Variants in LRRC4C observed in about 807,000 individuals in gnomAD.
LRRC4C encodes leucine-rich repeat-containing protein 4C.
A neutral mutation model predicts 33.6 loss-of-function variants in LRRC4C; 5 were observed. The observed-to-expected ratio is 0.15, with a 90% CI of 0.08 to 0.31. The LOEUF is 0.31. LRRC4C is among the 10% of genes least tolerant of loss of function. The pLI is 1.00. For missense variants in LRRC4C, 560 were observed against 796.7 expected, an observed-to-expected ratio of 0.70 and a Z score of 3.58; for synonymous variants, 329 against 302.0, an observed-to-expected ratio of 1.09 and a Z score of -0.93.
chr11:41,157,413 A>G (rs1367048554), intron 1 of LRRC4C, among the ~76,000 whole-genome samples: 1 of 152,128 alleles, frequency 6.6e-6, no homozygotes, highest in African/African-American at 2.4e-5. Flanking sequence ...GTAAAAGTCC[A>G]TAGGACCATA....
At chr11:41,320,392 G>A (rs1950922437) in intron 1 of LRRC4C, among the ~76,000 whole-genome samples, 1 of 152,114 alleles carries the variant, frequency 6.6e-6, no homozygotes. Context: ...AAAAGGTCAA[G>A]TTTTTTTCAG....
chr11:40,585,431 A>G (rs539765858), intron 3 of LRRC4C, among the ~76,000 whole-genome samples: 2 of 152,288 alleles, frequency 1.3e-5, no homozygotes, highest in South Asian at 2.1e-4. Flanking sequence ...CATGGACTTA[A>G]AAAAAGACAT....
intron 3 of LRRC4C, among the ~76,000 whole-genome samples, chr11:40,555,067 G>A (rs1277816459): frequency 2.6e-5 from 4 of 152,102 alleles, no homozygotes; most frequent in Middle Eastern, 3.2e-3. Context: ...ATGTTATTGA[G>A]GTACAGAAAT....
chr11:40,461,836 C>A (rs59627865), intron 3 of LRRC4C, among the ~76,000 whole-genome samples: 6,185 of 150,964 alleles, frequency 0.041, 410 homozygotes, highest in African/African-American at 0.14. Flanking sequence ...ATCAATATGA[C>A]AGGGATCTAT....
chr11:40,542,820 G>A (rs930243716), intron 3 of LRRC4C, among the ~76,000 whole-genome samples: 18 of 152,058 alleles, frequency 1.2e-4, no homozygotes, highest in African/African-American at 4.3e-4. Flanking sequence ...GTGGTACAAA[G>A]GACAGTTTAT....
intron 2 of LRRC4C, among the ~76,000 whole-genome samples, chr11:40,868,055 C>T (rs1336005900): frequency 1.3e-5 from 2 of 152,142 alleles, no homozygotes; most frequent in Non-Finnish European, 2.9e-5. Flanking sequence ...TTTTTATACA[C>T]GTAGTACTTA....
At chr11:40,516,989 T>C (rs903932422) in intron 3 of LRRC4C, among the ~76,000 whole-genome samples, 3 of 152,152 alleles carry the variant, frequency 2.0e-5, no homozygotes, top group African/African-American at 7.2e-5. Flanking sequence ...GGCTGGTTAA[T>C]CACTGCTTAT....
intron 1 of LRRC4C, among the ~76,000 whole-genome samples, chr11:41,263,060 G>A (rs1376291364): frequency 6.6e-6 from 1 of 152,072 alleles, no homozygotes; most frequent in East Asian, 1.9e-4. Context: ...TGGTCACACA[G>A]GAAATAACAC....
chr11:41,231,946 A>G (rs1485455001), intron 1 of LRRC4C, among the ~76,000 whole-genome samples: 1 of 151,830 alleles, frequency 6.6e-6, no homozygotes, highest in African/African-American at 2.4e-5. Flanking sequence ...TACAAAACTG[A>G]TTCTCGGTAA....
chr11:40,708,436 G>C (rs1198447642), intron 2 of LRRC4C, among the ~76,000 whole-genome samples: 1 of 152,154 alleles, frequency 6.6e-6, no homozygotes, highest in Non-Finnish European at 1.5e-5. Flanking sequence ...TGGTTTCAAA[G>C]AACATCTTTA....
chr11:40,573,943 C>G (rs1362835086), intron 3 of LRRC4C, among the ~76,000 whole-genome samples: 1 of 152,036 alleles, frequency 6.6e-6, no homozygotes, highest in Non-Finnish European at 1.5e-5. Flanking sequence ...AGCAGAGTGG[C>G]TACTGTTATT....
At chr11:41,316,698 T>C (rs1950808209) in intron 1 of LRRC4C, among the ~76,000 whole-genome samples, 5 of 152,224 alleles carry the variant, frequency 3.3e-5, no homozygotes, top group Non-Finnish European at 7.3e-5. Context: ...TCACTGTATC[T>C]CTGACATGCA....
chr11:41,236,908 T>C (rs1317189606), intron 1 of LRRC4C, among the ~76,000 whole-genome samples: 3 of 152,206 alleles, frequency 2.0e-5, no homozygotes, highest in Non-Finnish European at 2.9e-5. Flanking sequence ...TGTCCACAAA[T>C]GCAATATTAG....
intron 5 of LRRC4C, among the ~76,000 whole-genome samples, chr11:40,171,840 C>T (rs1860072084): frequency 2.0e-5 from 3 of 152,094 alleles, no homozygotes; most frequent in African/African-American, 2.4e-5. Flanking sequence ...TGCAGCAAAA[C>T]GTTGGCCTGA....
intron 3 of LRRC4C, among the ~76,000 whole-genome samples, chr11:40,358,184 A>AAAAT (rs71060956): frequency 0.5 from 74,810 of 150,364 alleles, 19,024 homozygotes; most frequent in East Asian, 0.8. Context: ...CTCTGTCTCA[A>AAAAT]AAATAAATAA....
chr11:40,742,916 G>A (rs1489760474), intron 2 of LRRC4C, among the ~76,000 whole-genome samples: 1 of 151,926 alleles, frequency 6.6e-6, no homozygotes, highest in Non-Finnish European at 1.5e-5. Context: ...TCACCAGTAG[G>A]GCCTAGTGAC....
chr11:40,250,665 G>T lies in LRRC4C; in HGVS notation c.-175-9067C>A, dbSNP rs139603630. Among the ~76,000 whole-genome samples, 1,067 of 152,124 alleles carry T rather than the reference G, an allele frequency of 7.0e-3. 22 individuals carry two copies. In the South Asian group the frequency reaches 0.087, roughly 12 times the overall value. On this transcript the variant is annotated intron_variant, in intron 4 of 6. Transcript: ENST00000528697. ...GAGGCAGGAGAATCGCTTGAACCCA[G>T]GGGAAAGAGGTTGCAGTGAGCCGAG...
rs147234380 is a variant in LRRC4C at position 40,222,383 on chromosome 11, A to G, written c.-96+19136T>C. ...ACATTAAAAATACCCAGTAAGAGTT[A>G]GCTACTATTACTATGCTATTATTAA... On this transcript the variant is annotated intron_variant, in intron 5 of 6. Coordinates refer to ENST00000528697, the MANE Select transcript of LRRC4C (RefSeq NM_001258419.2). 1.2e-4 allele frequency among the ~76,000 whole-genome samples: 19 copies of G among 152,332 alleles called. No homozygotes were observed. The East Asian group carries it at 3.7e-3, about 29-fold the overall frequency.
At chr11:40,526,147 CA>C in intron 3 of LRRC4C, among the ~76,000 whole-genome samples, 1 of 150,660 alleles carries the variant, frequency 6.6e-6, no homozygotes, top group East Asian at 1.9e-4. Flanking sequence ...TACAAGAAAA[CA>C]AAAGATTATC....
Sources: gnomAD v4.1 joint callset for allele counts (sites outside exome capture counted in the v4.1 genomes callset) on GRCh38, gnomAD v4.1.1 for gene constraint, MANE v1.5 for transcripts, NCBI Gene and HGNC (gene_info 2026-07-23, HGNC 2026-07-21) for gene names.